DSG2: variants seen among roughly 807,000 people sequenced by gnomAD.
DSG2 encodes desmoglein-2.
DSG2 carries 45 observed loss-of-function variants against 75.6 expected under a neutral mutation model. The ratio of observed to expected loss-of-function variants is 0.60; its 90% CI spans 0.47 to 0.76. The LOEUF is 0.76. DSG2 is among the 30% of genes least tolerant of loss of function. The pLI is 0.00. For synonymous variants in DSG2, 429 were observed against 483.9 expected, an observed-to-expected ratio of 0.89 and a Z score of 1.49; for missense variants, 1,267 against 1,357.4, an observed-to-expected ratio of 0.93 and a Z score of 1.05.
chr18:31,541,156 G>T (rs1490278263), intron 12 of DSG2, 37 bp from the exon 13 acceptor site: 1 of 1,613,826 alleles, frequency 6.2e-7, no homozygotes, highest in South Asian at 1.1e-5. Flanking sequence ...ATATATCAAG[G>T]TTAACCTTAT....
chr18:31,502,442 A>T (rs547102742), intron 1 of DSG2, among the ~76,000 whole-genome samples: 1 of 152,340 alleles, frequency 6.6e-6, no homozygotes, highest in African/African-American at 2.4e-5. Context: ...AAAACTGCCA[A>T]ATTATATTTA....
chr18:31,528,968 T>A (rs1002677889), intron 8 of DSG2, among the ~76,000 whole-genome samples: 6 of 152,106 alleles, frequency 3.9e-5, no homozygotes, highest in African/African-American at 1.4e-4. Context: ...CTCATCATGC[T>A]GTACACTTAA....
intron 1 of DSG2, among the ~76,000 whole-genome samples, chr18:31,501,461 A>G (rs1210927748): frequency 6.6e-6 from 1 of 152,260 alleles, no homozygotes; most frequent in Non-Finnish European, 1.5e-5. Flanking sequence ...ACAAAAATGT[A>G]TGATCTCACA....
intron 1 of DSG2, among the ~76,000 whole-genome samples, chr18:31,506,740 C>A (rs1458899706): frequency 1.3e-5 from 2 of 152,096 alleles, no homozygotes; most frequent in Non-Finnish European, 2.9e-5. Flanking sequence ...TTATATTTTG[C>A]CTAATTCCAA....
rs1444430421 is a variant in DSG2, at chr18:31,519,852, T to C, written c.131T>C (p.Leu44Ser). ...ENKLLPKHPHLVRQKRAWITA... is the reference protein window; with the variant it reads ...ENKLLPKHPHSVRQKRAWITA... ...AAGCTGCTTCCTAAACATCCTCATT[T>C]AGTGCGGCAAAAGCGCGCCTGGATC... Residue 44 changes from leucine to serine, a missense_variant, in exon 3 of 15, where the codon TTA becomes TCA. By Grantham distance (145) the Leu-to-Ser change is moderately radical. Transcript: ENST00000261590. 2 of 1,614,204 alleles carry C rather than the reference T, an allele frequency of 1.2e-6. No homozygotes were observed. Among genetic ancestry groups the C allele is most frequent in the South Asian group, 2.2e-5 (2 of 91,082 alleles).
At chr18:31,504,793 T>A (rs1432167004) in intron 1 of DSG2, among the ~76,000 whole-genome samples, 1 of 152,238 alleles carries the variant, frequency 6.6e-6, no homozygotes, top group Non-Finnish European at 1.5e-5. Flanking sequence ...AAGCTTAACA[T>A]GTCTACAATC....
chr18:31,507,167 A>G (rs2073043416), intron 1 of DSG2, among the ~76,000 whole-genome samples: 2 of 152,120 alleles, frequency 1.3e-5, no homozygotes, highest in African/African-American at 4.8e-5. Context: ...TATAAGTGAG[A>G]ACATGTGGTG....
chr18:31,544,713 T>A (rs2073293199), intron 14 of DSG2, among the ~76,000 whole-genome samples: 1 of 152,152 alleles, frequency 6.6e-6, no homozygotes, highest in South Asian at 2.1e-4. Context: ...AAACTATGGA[T>A]GTTAGAAATA....
intron 6 of DSG2, among the ~76,000 whole-genome samples, chr18:31,523,879 C>A (rs2073144475): frequency 6.6e-6 from 1 of 152,218 alleles, no homozygotes; most frequent in African/African-American, 2.4e-5. Flanking sequence ...TGGTTCTGCC[C>A]TATGCAGGAC....
rs397516709 is a variant in DSG2 at position 31,521,245 on chromosome 18, T to C, written c.523+2T>C. 1.2e-6 allele frequency: 2 copies of C among 1,603,632 alleles called. No individual in the cohort carries two copies. The highest frequency in any genetic ancestry group is 1.7e-6 in the Non-Finnish European group (2 of 1,176,154). On this transcript the variant is annotated splice_donor_variant, in intron 5 of 14. Coordinates refer to ENST00000261590, the MANE Select transcript of DSG2 (RefSeq NM_001943.5). LOFTEE classifies it high-confidence loss of function. Reference sequence around the variant, plus strand: ...CTGTTGAAGAGTTGAGTGCAGCACGTAAGAGTCTTTTTTTTTTTTTTTAAT... The same window carrying C: ...CTGTTGAAGAGTTGAGTGCAGCACGCAAGAGTCTTTTTTTTTTTTTTTAAT...
intron 1 of DSG2, among the ~76,000 whole-genome samples, chr18:31,503,590 A>T (rs1166112887): frequency 6.6e-6 from 1 of 152,224 alleles, no homozygotes; most frequent in African/African-American, 2.4e-5. Context: ...TAAGTAAATG[A>T]AAAGATGGGC....
chr18:31,535,968 AT>A (rs1224145548), intron 10 of DSG2, among the ~76,000 whole-genome samples: 1 of 152,118 alleles, frequency 6.6e-6, no homozygotes, highest in African/African-American at 2.4e-5. Context: ...GTCTAAAAAA[AT>A]TTTTTAGTAA....
chr18:31,546,327 A>G lies in DSG2; in HGVS notation c.2941A>G (p.Asn981Asp), dbSNP rs568345094. The part of the protein sequence containing the change: ...ASTLVDQPYA[N>D]EGTVVVTERV... ...TACCTTGGTAGATCAGCCTTATGCT[A>G]ATGAAGGTACAGTTGTGGTCACTGA... The change falls in exon 15 of 15, where the codon AAT (asparagine) becomes GAT (aspartate). Residue 981 changes from asparagine to aspartate, a missense_variant. Coordinates refer to ENST00000261590, the MANE Select transcript of DSG2 (RefSeq NM_001943.5). 6.2e-7 allele frequency: 1 copy of G among 1,609,456 alleles called. No individual in the cohort carries two copies. Among genetic ancestry groups the G allele is most frequent in the South Asian group, 1.1e-5 (1 of 90,564 alleles).
chr18:31,521,681 C>G (rs1598811028), intron 5 of DSG2, among the ~76,000 whole-genome samples: 1 of 152,160 alleles, frequency 6.6e-6, no homozygotes, highest in African/African-American at 2.4e-5. Context: ...ACACAGTGCT[C>G]TTCATGAGGA....
chr18:31,540,942 C>T (rs537004184), intron 12 of DSG2, among the ~76,000 whole-genome samples: 1 of 152,208 alleles, frequency 6.6e-6, no homozygotes, highest in Admixed American at 6.5e-5. Context: ...CACTCAGCAG[C>T]CACAGACAGC....
intron 13 of DSG2, 62 bp from the exon 14 acceptor site, chr18:31,542,458 C>T: frequency 6.4e-7 from 1 of 1,573,344 alleles, no homozygotes; most frequent in Non-Finnish European, 8.7e-7. Context: ...GATCCTTCTA[C>T]CAAGGATGAA....
Position 31,524,853 on chromosome 18 carries a change from G to A in DSG2, c.979G>A (p.Ala327Thr), listed in dbSNP as rs1233034521. 1 of 1,614,186 alleles carries A rather than the reference G, an allele frequency of 6.2e-7. No homozygotes were observed. The highest frequency in any genetic ancestry group is 8.5e-7 in the Non-Finnish European group (1 of 1,180,026). ...AGGTTATTTCCACATAGAAACAGAT[G>A]CTCAAACTAACGAAGGAATTGTGAC... is the stretch of plus-strand genomic sequence containing the variant. ...EGGYFHIETD[A>T]QTNEGIVTLI... Residue 327 changes from alanine (A) to threonine (T), a missense_variant, in exon 8 of 15, where the codon GCT becomes ACT. By Grantham distance (58) the Ala-to-Thr change is moderately conservative (BLOSUM62 0). Transcript: ENST00000261590.
intron 1 of DSG2, among the ~76,000 whole-genome samples, chr18:31,516,919 C>A (rs972666712): frequency 2.6e-5 from 4 of 152,106 alleles, no homozygotes; most frequent in Admixed American, 6.6e-5. Context: ...TTCTGTCTGC[C>A]CTGTCCAAAT....
At chr18:31,543,530 C>T (rs565458763) in intron 14 of DSG2, 1 of 152,300 alleles carries the variant, frequency 6.6e-6, no homozygotes, top group Non-Finnish European at 1.5e-5. Context: ...TAAGGAAGCT[C>T]ATGCTAGAAT....
Sources: gnomAD v4.1 joint callset for allele counts (sites outside exome capture counted in the v4.1 genomes callset) on GRCh38, gnomAD v4.1.1 for gene constraint, MANE v1.5 for transcripts, NCBI Gene and HGNC (gene_info 2026-07-23, HGNC 2026-07-21) for gene names.